USP47: variants seen among roughly 807,000 people sequenced by gnomAD.
USP47 encodes ubiquitin carboxyl-terminal hydrolase 47.
A neutral mutation model predicts 165.1 loss-of-function variants in USP47; 35 were observed. The ratio of observed to expected loss-of-function variants is 0.21; its 90% CI spans 0.16 to 0.28. USP47 has a LOEUF of 0.28. Ranked by LOEUF, USP47 falls within the 10% of genes least tolerant of loss-of-function variation. The pLI is 1.00. For synonymous variants in USP47, 531 were observed against 544.5 expected (o/e 0.98, Z 0.35); for missense variants, 1,277 against 1,607.4 (o/e 0.79, Z 3.52).
rs753537931 is a variant in USP47 at position 11,922,800 on chromosome 11, A to G, written c.1295A>G (p.Asn432Ser). Reference sequence around the variant, plus strand: ...AGTTGTCACAGTGATCAGATGAGCAACGATTTCTCCAATGATGATGGTGTT... The same window carrying G: ...AGTTGTCACAGTGATCAGATGAGCAGCGATTTCTCCAATGATGATGGTGTT... ...EGSCHSDQMS[N>S]DFSNDDGVDE... The change falls in exon 11 of 28, where the codon AAC (asparagine) becomes AGC (serine). Residue 432 changes from asparagine (N) to serine (S), a missense_variant. By Grantham distance (46) the Asn-to-Ser change is conservative. Coordinates refer to ENST00000527733, the MANE Select transcript of USP47 (RefSeq NM_001282659.2). 2 of 1,611,748 alleles carry G rather than the reference A, an allele frequency of 1.2e-6. No homozygotes were observed. The highest frequency in any genetic ancestry group is 1.3e-5 in the African/African-American group (1 of 74,898).
chr11:11,887,147 A>G (rs1352599834), intron 3 of USP47, among the ~76,000 whole-genome samples: 1 of 152,232 alleles, frequency 6.6e-6, no homozygotes, highest in African/African-American at 2.4e-5. Context: ...TACACAGACC[A>G]GTGACACTAT....
At chr11:11,933,759 G>A (rs1270366732) in intron 15 of USP47, 72 bp from the exon 16 acceptor site, 8 of 1,038,262 alleles carry the variant, frequency 7.7e-6, no homozygotes, top group Non-Finnish European at 1.2e-5. Flanking sequence ...TGACAATTAG[G>A]AATAAATGCT....
intron 18 of USP47, among the ~76,000 whole-genome samples, chr11:11,939,111 T>C (rs534378430): frequency 1.3e-5 from 2 of 152,034 alleles, no homozygotes; most frequent in East Asian, 3.9e-4. Context: ...TGGAAAAATA[T>C]AACAATGAAA....
chr11:11,931,058 T>C lies in USP47; in HGVS notation c.1651+307T>C, dbSNP rs989239747. Among the ~76,000 whole-genome samples the C allele has an allele frequency of 6.6e-5, 10 of 152,312 alleles. No homozygotes were observed. In the East Asian group the frequency reaches 1.9e-3, roughly 29 times the overall value. The stretch of plus-strand genomic sequence containing the variant: ...CGATAACATTTTTGGAATTATTGCT[T>C]TTAAAATATTGCAGTGTTTGTTTTT... On this transcript the variant is annotated intron_variant, in intron 14 of 27. Transcript: ENST00000527733.
chr11:11,853,650 C>T (rs1447497091), intron 1 of USP47, among the ~76,000 whole-genome samples: 2 of 152,092 alleles, frequency 1.3e-5, no homozygotes, highest in Non-Finnish European at 2.9e-5. Flanking sequence ...AATAATTGCC[C>T]TCTTCTTTCA....
chr11:11,906,019 T>A (rs1304135962), intron 8 of USP47, among the ~76,000 whole-genome samples: 1 of 152,094 alleles, frequency 6.6e-6, no homozygotes, highest in Non-Finnish European at 1.5e-5. Flanking sequence ...ATATTTAGTT[T>A]AAAAAATATA....
chr11:11,956,956 A>G lies in USP47; in HGVS notation c.*781A>G, dbSNP rs964012257. The stretch of plus-strand genomic sequence containing the variant: ...GTTGAGTTATCATAATTGCAGTTCA[A>G]CTATCTGCCATGATTATTCTTTTCA... On this transcript the variant is annotated 3_prime_UTR_variant, in exon 28 of 28. Coordinates refer to ENST00000527733, the MANE Select transcript of USP47 (RefSeq NM_001282659.2). The G allele has an allele frequency of 6.6e-6, 1 of 152,214 alleles. No homozygotes were observed. The highest frequency in any genetic ancestry group is 2.4e-5 in the African/African-American group (1 of 41,444). The allele number at this position is 152,214 out of a possible 1,614,324, so 9.4% of individuals were successfully genotyped here.
intron 4 of USP47, among the ~76,000 whole-genome samples, chr11:11,892,407 A>T (rs2134383507): frequency 9.0e-6 from 1 of 111,156 alleles, no homozygotes; most frequent in Admixed American, 1.1e-4. Context: ...TTTGAGACAG[A>T]GTCTTGTTCT....
chr11:11,926,155 G>C (rs1369751069), intron 11 of USP47, among the ~76,000 whole-genome samples: 2 of 152,090 alleles, frequency 1.3e-5, no homozygotes, highest in African/African-American at 4.8e-5. Flanking sequence ...ATAGTTTTTA[G>C]TATCTTTGTC....
intron 8 of USP47, among the ~76,000 whole-genome samples, chr11:11,908,212 A>T (rs1852709662): frequency 1.3e-5 from 2 of 152,210 alleles, no homozygotes; most frequent in Admixed American, 1.3e-4. Flanking sequence ...CCACAATATT[A>T]TGGGTTTAAT....
intron 8 of USP47, among the ~76,000 whole-genome samples, chr11:11,912,528 A>G (rs1853073535): frequency 6.6e-6 from 1 of 152,156 alleles, no homozygotes; most frequent in African/African-American, 2.4e-5. Flanking sequence ...AGGTAATTAC[A>G]TTTATAATTT....
chr11:11,901,958 C>CAA (rs34053426), intron 5 of USP47, among the ~76,000 whole-genome samples: 20 of 66,754 alleles, frequency 3.0e-4, no homozygotes, highest in Admixed American at 1.2e-3. Flanking sequence ...GACTCTGTCT[C>CAA]AAAAAAAAAA....
intron 8 of USP47, among the ~76,000 whole-genome samples, chr11:11,917,906 C>T (rs888238190): frequency 1.3e-5 from 2 of 152,024 alleles, no homozygotes; most frequent in East Asian, 1.9e-4. Flanking sequence ...AGAAAGCAAA[C>T]ATTAAAATTT....
chr11:11,948,454 TA>T (rs777796972), intron 21 of USP47, 23 bp from the exon 22 acceptor site: 2 of 1,589,338 alleles, frequency 1.3e-6, no homozygotes, highest in Admixed American at 1.7e-5. Context: ...ACAGCATGTC[TA>T]AAAAAATGTT....
intron 8 of USP47, among the ~76,000 whole-genome samples, chr11:11,911,874 A>G (rs909452008): frequency 6.6e-6 from 1 of 152,132 alleles, no homozygotes; most frequent in African/African-American, 2.4e-5. Context: ...ACCTCAAAAA[A>G]TTTAAAATCA....
In USP47 at chr11:11,842,115, C is replaced by T; in HGVS notation, c.-71C>T. The T allele has an allele frequency of 6.5e-7, 1 of 1,535,348 alleles. No homozygotes were observed. The highest frequency in any genetic ancestry group is 1.2e-5 in the South Asian group (1 of 82,714). On this transcript the variant is annotated 5_prime_UTR_variant, in exon 1 of 28. Transcript: ENST00000527733. ...AGGATGACTGCCGCTGCCATTCTCT[C>T]TTGAGCTAGCGAGCCGCCGCCACCC...
At chr11:11,945,934 C>A (rs1352519960) in intron 20 of USP47, among the ~76,000 whole-genome samples, 1 of 147,412 alleles carries the variant, frequency 6.8e-6, no homozygotes, top group African/African-American at 2.5e-5. Context: ...GACCCTGTCC[C>A]CCCCCCAAAA....
At chr11:11,874,913 T>C (rs1306608170) in intron 1 of USP47, among the ~76,000 whole-genome samples, 1 of 152,084 alleles carries the variant, frequency 6.6e-6, no homozygotes, top group Non-Finnish European at 1.5e-5. Context: ...ATCAATTCTG[T>C]TTTAAAATCT....
At chr11:11,866,670 T>C (rs1340058703) in intron 1 of USP47, among the ~76,000 whole-genome samples, 1 of 152,200 alleles carries the variant, frequency 6.6e-6, no homozygotes, top group Non-Finnish European at 1.5e-5. Flanking sequence ...GTTTCTTTAA[T>C]GATAATCTAT....
Sources: gnomAD v4.1 joint callset for allele counts (sites outside exome capture counted in the v4.1 genomes callset) on GRCh38, gnomAD v4.1.1 for gene constraint, MANE v1.5 for transcripts, NCBI Gene and HGNC (gene_info 2026-07-23, HGNC 2026-07-21) for gene names.